Variants in POLE observed in about 807,000 individuals in gnomAD.
POLE encodes the protein DNA polymerase epsilon catalytic subunit A.
A neutral mutation model predicts 279.2 loss-of-function variants in POLE; 188 were observed. That is an observed-to-expected ratio of 0.67 (90% confidence interval 0.60 to 0.76). POLE has a LOEUF of 0.76. Ranked by LOEUF, POLE falls within the 30% of genes least tolerant of loss-of-function variation. The probability of loss-of-function intolerance (pLI) is 0.00; values close to 1 mark genes in which losing one functional copy is unlikely to be tolerated. For synonymous variants in POLE, 1,214 were observed against 1,172.5 expected (o/e 1.04, Z -0.72); for missense variants, 2,703 against 3,016.7 (o/e 0.90, Z 2.44).
chr12:132,666,779 G>C (rs907797888), intron 20 of POLE, among the ~76,000 whole-genome samples: 4 of 152,194 alleles, frequency 2.6e-5, no homozygotes, highest in African/African-American at 9.7e-5. Context: ...GAAGAATTCT[G>C]GAGGTAGATG....
intron 41 of POLE, among the ~76,000 whole-genome samples, chr12:132,636,561 C>T (rs952362009): frequency 6.6e-6 from 1 of 151,830 alleles, no homozygotes; most frequent in Non-Finnish European, 1.5e-5. Flanking sequence ...TTCAAGACCA[C>T]CCCAGGCAAC....
chr12:132,641,322 ATAC>A, intron 39 of POLE: 1 of 419,478 alleles, frequency 2.4e-6, no homozygotes, highest in South Asian at 2.1e-5. Context: ...CTCACACATC[ATAC>A]TCAGTAGAGC....
chr12:132,661,751 G>GGT lies in POLE; in HGVS notation c.2707-68_2707-67insAC. The GGT allele has an allele frequency of 6.6e-7, 1 of 1,517,842 alleles. No individual in the cohort carries two copies. Among genetic ancestry groups the GGT allele is most frequent in the Non-Finnish European group, 9.1e-7 (1 of 1,104,474 alleles). 94.0% of individuals were successfully genotyped at this position (1,517,842 alleles called of 1,614,324 possible). On this transcript the variant is annotated intron_variant, in intron 23 of 48. Coordinates refer to ENST00000320574, the MANE Select transcript of POLE (RefSeq NM_006231.4). The surrounding 1 kb of genome is among the most constrained non-coding windows in gnomAD (Gnocchi z 4.1). Reference sequence around the variant, plus strand: ...GGCCCAAACCTGGAAACCACCTGGTGTCCCTCCAGGAGTGGATGGATTGAC... The same window carrying GGT: ...GGCCCAAACCTGGAAACCACCTGGTGGTTCCCTCCAGGAGTGGATGGATTGAC...
intron 29 of POLE, chr12:132,650,935 G>A (rs533804957): frequency 7.3e-6 from 1 of 136,926 alleles, no homozygotes; most frequent in South Asian, 2.4e-4. Context: ...GAGCGCAATG[G>A]CACGATCTCA....
intron 6 of POLE, among the ~76,000 whole-genome samples, chr12:132,678,755 T>C (rs2043108936): frequency 6.6e-6 from 1 of 152,162 alleles, no homozygotes; most frequent in Non-Finnish European, 1.5e-5. Context: ...TCTAAAGAAG[T>C]GGCCCACCAT....
intron 41 of POLE, 145 bp from the exon 42 acceptor site, chr12:132,636,169 T>G: frequency 2.3e-6 from 2 of 874,240 alleles, no homozygotes; most frequent in Non-Finnish European, 3.3e-6. Flanking sequence ...TCCCTCAGGC[T>G]TCCTGGGGAA....
intron 12 of POLE, among the ~76,000 whole-genome samples, chr12:132,674,276 G>A (rs746656143): frequency 6.6e-6 from 1 of 152,010 alleles, no homozygotes; most frequent in Non-Finnish European, 1.5e-5. Flanking sequence ...GCTGTCCAGG[G>A]GTCATGTCCG....
At chr12:132,676,719 C>G (rs1046885993) in intron 8 of POLE, 66 bp from the exon 9 acceptor site, 2 of 958,272 alleles carry the variant, frequency 2.1e-6, no homozygotes, top group South Asian at 1.3e-5. Context: ...TGAACACCCA[C>G]CCCCAGCCTG....
At chr12:132,630,210 T>C (rs2041910145) in intron 45 of POLE, among the ~76,000 whole-genome samples, 1 of 152,222 alleles carries the variant, frequency 6.6e-6, no homozygotes, top group African/African-American at 2.4e-5. Flanking sequence ...ACAGACACAG[T>C]GAGCACATGC....
intron 25 of POLE, 196 bp downstream of exon 25, chr12:132,660,773 G>C: frequency 2.3e-6 from 1 of 434,438 alleles, no homozygotes; most frequent in Non-Finnish European, 4.1e-6. Flanking sequence ...GTTTCCCTCA[G>C]AGTTGTGTCC....
intron 25 of POLE, chr12:132,660,571 A>G (rs1429421120): frequency 6.3e-6 from 1 of 157,732 alleles, no homozygotes. Flanking sequence ...AAACTGTCAA[A>G]ATGTTATGTA....
rs758702382 is a variant in POLE at position 132,657,361 on chromosome 12, C to T, written c.3447G>A (p.Ala1149=). The part of the protein sequence containing the change: ...SAIQKIITIP[A]ALQQVKNPVP... Reference sequence around the variant, plus strand: ...ACCCCGCCCTTACCTGCTGCAGGGCCGCAGGGATGGTGATGATCTTCTGGA... The same window carrying T: ...ACCCCGCCCTTACCTGCTGCAGGGCTGCAGGGATGGTGATGATCTTCTGGA... The change falls in exon 28 of 49, where the codon GCG becomes GCA. Residue 1149 remains alanine, a synonymous_variant. Transcript: ENST00000320574. 4.3e-6 allele frequency: 7 copies of T among 1,613,854 alleles called. No individual in the cohort carries two copies. The highest frequency in any genetic ancestry group is 1.3e-5 in the African/African-American group (1 of 74,874).
rs2138510215 is a variant in POLE at position 132,639,229 on chromosome 12, G to A, written c.5448C>T (p.Asn1816=). ...GCCAGCGGTAGAAGTGCATCACCTG[G>A]TTGTCTGCATAGATGTTGTGGTACT... ...ITQYHNIYAD[N]QVMHFYRWLR... is the part of the protein sequence containing the mutation. Residue 1816 remains asparagine, a synonymous_variant, in exon 40 of 49, where the codon AAC becomes AAT. Coordinates refer to ENST00000320574, the MANE Select transcript of POLE (RefSeq NM_006231.4). This position sits in a 1 kb window ranked among gnomAD's most constrained non-coding sequence, Gnocchi z 4.7. 2 of 1,614,084 alleles carry A rather than the reference G, an allele frequency of 1.2e-6. No individual in the cohort carries two copies. The highest frequency in any genetic ancestry group is 1.7e-6 in the Non-Finnish European group (2 of 1,179,948).
chr12:132,625,458 G>A (rs776373326), intron 47 of POLE, 187 bp downstream of exon 47: 4 of 817,286 alleles, frequency 4.9e-6, no homozygotes, highest in South Asian at 4.0e-5. Context: ...CTTGACCCAA[G>A]GCAGGTGCTC....
At position 132,672,237 on chromosome 12, in the gene POLE, T is replaced by C. The variant is rs1555228119; in HGVS notation, c.1772A>G (p.Glu591Gly). ...TACCTCTTCAAAGTTGGTGACTTGC[T>C]CCACAGGCACTTTCTCCTCTTCCTC... ...ALEEEEKVPV[E>G]QVTNFEEVCD... The change falls in exon 16 of 49, where the codon GAG becomes GGG. Residue 591 changes from glutamate to glycine, a missense_variant. By Grantham distance (98) the Glu-to-Gly change is moderately conservative (BLOSUM62 -2). Around this residue, in one of 5 missense-constraint regions of POLE, gnomAD observed 1,011 missense variants for 1,111.7 expected, o/e 0.91. Transcript: ENST00000320574. The C allele has an allele frequency of 6.2e-7, 1 of 1,614,060 alleles. No individual in the cohort carries two copies. Among genetic ancestry groups the C allele is most frequent in the African/African-American group, 1.3e-5 (1 of 75,050 alleles).
intron 23 of POLE, among the ~76,000 whole-genome samples, chr12:132,662,394 C>A (rs975280634): frequency 2.6e-5 from 4 of 152,224 alleles, no homozygotes; most frequent in Non-Finnish European, 5.9e-5. Flanking sequence ...ATTGAACAAA[C>A]ACATATATTG....
chr12:132,643,047 G>T, intron 35 of POLE, 51 bp from the exon 36 acceptor site: 1 of 1,534,514 alleles, frequency 6.5e-7, no homozygotes, highest in South Asian at 1.2e-5. Context: ...AGGAAGTGGG[G>T]GCAGCCCTGG....
At chr12:132,683,306 G>A (rs2043205061) in intron 1 of POLE, among the ~76,000 whole-genome samples, 1 of 152,176 alleles carries the variant, frequency 6.6e-6, no homozygotes, top group Middle Eastern at 3.2e-3. Flanking sequence ...GAGTCAGGAA[G>A]GAGAAAGGGA....
chr12:132,628,808 TCCA>T (rs999243091), intron 45 of POLE, among the ~76,000 whole-genome samples: 4 of 152,242 alleles, frequency 2.6e-5, no homozygotes, highest in Admixed American at 2.0e-4. Flanking sequence ...CCTTGCTGTT[TCCA>T]CCACATCTGC....
Sources: allele counts gnomAD v4.1 joint callset (sites outside exome capture counted in the v4.1 genomes callset), GRCh38; gene constraint gnomAD v4.1.1; regional missense constraint gnomAD v4.1.1; non-coding constraint Gnocchi (gnomAD v3.1); transcripts MANE v1.5; gene names NCBI Gene and HGNC (gene_info 2026-07-23, HGNC 2026-07-21).